The following TENM2 variants were observed in gnomAD, a reference collection of about 807,000 sequenced individuals.
TENM2 encodes teneurin-2.
A neutral mutation model predicts 245.2 loss-of-function variants in TENM2; 52 were observed. That is an observed-to-expected ratio of 0.21 (90% CI 0.17 to 0.27). TENM2 has a LOEUF of 0.27. Among genes scored for constraint, TENM2 ranks in the 10% least tolerant of loss-of-function variants. The pLI is 1.00. For missense variants in TENM2, 3,046 were observed against 3,666.8 expected (o/e 0.83, Z 4.37); for synonymous variants, 1,363 against 1,438.9 (o/e 0.95, Z 1.19).
At chr5:167,372,281 T>C (rs1760485566) in intron 1 of TENM2, among the ~76,000 whole-genome samples, 1 of 152,228 alleles carries the variant, frequency 6.6e-6, no homozygotes, top group Admixed American at 6.5e-5. Flanking sequence ...TTCTAACATT[T>C]GTGGTTACTT....
intron 9 of TENM2, among the ~76,000 whole-genome samples, chr5:168,107,297 C>T (rs1027113243): frequency 1.3e-5 from 2 of 152,146 alleles, no homozygotes; most frequent in Admixed American, 6.5e-5. Flanking sequence ...CCAACCTCTC[C>T]ATGATGGTAT....
intron 2 of TENM2, among the ~76,000 whole-genome samples, chr5:167,683,012 A>G (rs6863828): frequency 0.45 from 68,294 of 151,586 alleles, 17,549 homozygotes; most frequent in East Asian, 0.91. Context: ...TACCTATAAT[A>G]AGACTTGATT....
intron 2 of TENM2, among the ~76,000 whole-genome samples, chr5:167,851,799 T>A (rs1014686044): frequency 1.3e-5 from 2 of 152,208 alleles, no homozygotes; most frequent in African/African-American, 4.8e-5. Flanking sequence ...CTGTGTTCCT[T>A]CGTCTTCCCT....
chr5:167,185,206 TG>T, the TENM2 span, among the ~76,000 whole-genome samples: 4 of 152,166 alleles, frequency 2.6e-5, no homozygotes, highest in African/African-American at 9.7e-5. Flanking sequence ...GTTGCATGAC[TG>T]AATCTTTGGG....
intron 5 of TENM2, among the ~76,000 whole-genome samples, chr5:167,993,920 A>G (rs769233891): frequency 6.6e-6 from 1 of 152,252 alleles, no homozygotes; most frequent in Non-Finnish European, 1.5e-5. Flanking sequence ...GTTTACAGCC[A>G]TAGGGTGTAG....
At chr5:167,158,889 TTCCTTCCTTCCTTC>T in the TENM2 span, among the ~76,000 whole-genome samples, 2 of 146,408 alleles carry the variant, frequency 1.4e-5, no homozygotes, top group African/African-American at 5.1e-5. Flanking sequence ...CCTTCCTTCC[TTCCTTCCTTCCTTC>T]CTTCCTCTTC....
chr5:168,169,163 C>T (rs926745903), intron 13 of TENM2, among the ~76,000 whole-genome samples: 10 of 152,152 alleles, frequency 6.6e-5, no homozygotes, highest in African/African-American at 7.2e-5. Context: ...TGAGAGAAAG[C>T]GCAGCCCATT....
At chr5:167,594,515 T>C (rs1776071928) in intron 2 of TENM2, among the ~76,000 whole-genome samples, 1 of 152,220 alleles carries the variant, frequency 6.6e-6, no homozygotes, top group Non-Finnish European at 1.5e-5. Context: ...TTAGAAATAG[T>C]GTTTGCATCC....
chr5:167,872,408 AAG>A (rs1772951572), intron 2 of TENM2, among the ~76,000 whole-genome samples: 2 of 151,348 alleles, frequency 1.3e-5, no homozygotes, highest in Admixed American at 6.6e-5. Context: ...GGAAGAAAAA[AAG>A]AGAAAGAGAG....
chr5:167,572,542 T>C (rs1190910570), intron 2 of TENM2, among the ~76,000 whole-genome samples: 1 of 152,198 alleles, frequency 6.6e-6, no homozygotes, highest in Admixed American at 6.5e-5. Context: ...GTTTTAGCTC[T>C]GCTTACCATG....
chr5:167,925,925 A>T (rs1210102274), intron 3 of TENM2, among the ~76,000 whole-genome samples: 1 of 152,164 alleles, frequency 6.6e-6, no homozygotes, highest in Non-Finnish European at 1.5e-5. Context: ...AACACAACGA[A>T]GGAAACAACA....
At chr5:167,284,921 C>T in exon 1 of TENM2, 1 of 1,551,776 alleles carries the variant, frequency 6.4e-7, no homozygotes, top group Non-Finnish European at 8.7e-7. Context: ...CCTCTCTGGA[C>T]AGTGAGGACT....
At chr5:167,706,786 G>A (rs1276970153) in intron 2 of TENM2, among the ~76,000 whole-genome samples, 4 of 151,608 alleles carry the variant, frequency 2.6e-5, no homozygotes, top group Non-Finnish European at 4.4e-5. Context: ...AGGCCGAGGC[G>A]GGTGGATCAC....
At chr5:167,592,122 A>G (rs1015100995) in intron 2 of TENM2, among the ~76,000 whole-genome samples, 22 of 152,198 alleles carry the variant, frequency 1.4e-4, no homozygotes, top group Admixed American at 1.1e-3. Context: ...AGGCTGTCAC[A>G]CAGTTGGATG....
intron 2 of TENM2, among the ~76,000 whole-genome samples, chr5:167,788,960 G>T (rs1764763519): frequency 6.6e-6 from 1 of 152,050 alleles, no homozygotes; most frequent in Admixed American, 6.6e-5. Flanking sequence ...CAAAATCTTT[G>T]TGGGTCAAGC....
At chr5:167,609,379 C>T (rs112751111) in intron 2 of TENM2, among the ~76,000 whole-genome samples, 5 of 151,564 alleles carry the variant, frequency 3.3e-5, no homozygotes, top group African/African-American at 4.9e-5. Flanking sequence ...GTGTGGGCCA[C>T]GCATGGCTGC....
At chr5:167,293,325 C>T (rs980006813) in intron 1 of TENM2, among the ~76,000 whole-genome samples, 1 of 152,112 alleles carries the variant, frequency 6.6e-6, no homozygotes, top group Non-Finnish European at 1.5e-5. Flanking sequence ...CCTCAGCCTC[C>T]CAAGTAGCTG....
chr5:167,443,444 C>T (rs1328734427), intron 2 of TENM2, among the ~76,000 whole-genome samples: 1 of 152,182 alleles, frequency 6.6e-6, no homozygotes, highest in African/African-American at 2.4e-5. Flanking sequence ...TGATGCTAAA[C>T]TTAGAATTTT....
chr5:167,831,642 T>C (rs1242039294), intron 2 of TENM2, among the ~76,000 whole-genome samples: 3 of 152,110 alleles, frequency 2.0e-5, no homozygotes, highest in Non-Finnish European at 4.4e-5. Flanking sequence ...TTTTGGTCCA[T>C]TTTGCACAGG....
Sources: allele counts gnomAD v4.1 joint callset (sites outside exome capture counted in the v4.1 genomes callset), GRCh38; gene constraint gnomAD v4.1.1; transcripts MANE v1.5; gene names NCBI Gene and HGNC (gene_info 2026-07-23, HGNC 2026-07-21).